Variants in SGCZ observed in about 807,000 individuals in gnomAD.
SGCZ encodes sarcoglycan zeta, also known as zeta-sarcoglycan.
A neutral mutation model predicts 41.3 loss-of-function variants in SGCZ; 40 were observed. The ratio of observed to expected loss-of-function variants is 0.97; its 90% CI spans 0.75 to 1.26. The LOEUF (loss-of-function observed/expected upper bound fraction) is 1.26. Ranked by LOEUF, SGCZ falls within the 50% of genes most tolerant of loss-of-function variation. SGCZ has a pLI of 0.00. For synonymous variants in SGCZ, 206 were observed against 137.5 expected (o/e 1.50, Z -3.49); for missense variants, 552 against 369.8 (o/e 1.49, Z -4.04).
intron 1 of SGCZ, among the ~76,000 whole-genome samples, chr8:14,852,958 C>T (rs557201886): frequency 1.3e-5 from 2 of 152,138 alleles, no homozygotes; most frequent in African/African-American, 2.4e-5. Flanking sequence ...ATGGAAAACA[C>T]TGTTGAGATG....
intron 1 of SGCZ, among the ~76,000 whole-genome samples, chr8:14,591,237 G>T (rs1025803641): frequency 6.6e-6 from 1 of 151,720 alleles, no homozygotes; most frequent in African/African-American, 2.4e-5. Context: ...TCTTTTTAAA[G>T]ATTTGGATAT....
chr8:14,206,382 G>A (rs1006763200), intron 4 of SGCZ, among the ~76,000 whole-genome samples: 2 of 152,082 alleles, frequency 1.3e-5, no homozygotes, highest in African/African-American at 4.8e-5. Flanking sequence ...TAAAATAAAT[G>A]TAAACATAAA....
chr8:14,674,920 TC>T (rs1405674694), intron 1 of SGCZ, among the ~76,000 whole-genome samples: 1 of 138,178 alleles, frequency 7.2e-6, no homozygotes, highest in African/African-American at 2.9e-5. Context: ...TAACCTCTTT[TC>T]TTTTCTGTTT....
At chr8:14,507,643 T>G (rs552377608) in intron 2 of SGCZ, among the ~76,000 whole-genome samples, 1 of 152,216 alleles carries the variant, frequency 6.6e-6, no homozygotes, top group Non-Finnish European at 1.5e-5. Flanking sequence ...TGCTCCAGTC[T>G]CAGATTCTTT....
intron 1 of SGCZ, among the ~76,000 whole-genome samples, chr8:14,600,520 T>C (rs559479049): frequency 6.6e-6 from 1 of 151,958 alleles, no homozygotes; most frequent in East Asian, 1.9e-4. Flanking sequence ...TGCGGGAGAG[T>C]CAAACCTCCC....
chr8:15,057,804 C>T (rs539396983), intron 1 of SGCZ, among the ~76,000 whole-genome samples: 5 of 152,290 alleles, frequency 3.3e-5, no homozygotes, highest in Non-Finnish European at 5.9e-5. Context: ...TACAAATGTC[C>T]TTTCCAGCCC....
At chr8:14,473,999 G>C (rs572089819) in intron 2 of SGCZ, among the ~76,000 whole-genome samples, 1 of 151,810 alleles carries the variant, frequency 6.6e-6, no homozygotes, top group East Asian at 1.9e-4. Context: ...ATGGGTACTA[G>C]TTTTAATTGC....
At chr8:14,227,865 A>G (rs1270622780) in intron 4 of SGCZ, among the ~76,000 whole-genome samples, 1 of 152,110 alleles carries the variant, frequency 6.6e-6, no homozygotes, top group Non-Finnish European at 1.5e-5. Context: ...CACAAAATCT[A>G]AAGTGAAAGT....
rs532174521 is a variant in SGCZ, at chr8:15,060,476, A to G, written c.39+177109T>C. On this transcript the variant is annotated intron_variant, in intron 1 of 7. Coordinates refer to ENST00000382080, the MANE Select transcript of SGCZ (RefSeq NM_139167.4). ...TAGGTGGGAATTGAACAATGAGAAC[A>G]CTTGGACATAGGAAGGGGAACATGA... 3.0e-3 allele frequency among the ~76,000 whole-genome samples: 385 copies of G among 129,238 alleles called. 2 individuals carry two copies. Among genetic ancestry groups the G allele is most frequent in the Middle Eastern group, 8.5e-3 (2 of 234 alleles). The allele number at this position is 129,238 out of a possible 152,430, so 84.8% of individuals were successfully genotyped here. A position where few individuals can be genotyped will look rare whatever the true frequency, so the allele number is the denominator to read the frequency against.
chr8:14,160,449 T>C (rs1485925148), intron 5 of SGCZ, among the ~76,000 whole-genome samples: 1 of 152,224 alleles, frequency 6.6e-6, no homozygotes. Context: ...AATTAAGTCA[T>C]ACCTTTGGCC....
At chr8:14,159,635 T>A (rs1375183055) in intron 5 of SGCZ, among the ~76,000 whole-genome samples, 1 of 152,116 alleles carries the variant, frequency 6.6e-6, no homozygotes, top group South Asian at 2.1e-4. Flanking sequence ...GCAGAGAAAA[T>A]GAAGTGATTG....
At chr8:14,205,097 A>C (rs984816837) in intron 4 of SGCZ, among the ~76,000 whole-genome samples, 9 of 152,152 alleles carry the variant, frequency 5.9e-5, no homozygotes, top group Admixed American at 5.2e-4. Context: ...CCCTTTAATT[A>C]AGATAAATCC....
intron 1 of SGCZ, among the ~76,000 whole-genome samples, chr8:15,008,639 AGGGAAGG>A: frequency 1.2e-5 from 1 of 86,760 alleles, no homozygotes; most frequent in Non-Finnish European, 2.2e-5. Context: ...GGAAGGAAGG[AGGGAAGG>A]AAGGAGGGAA....
At chr8:14,369,910 A>G (rs115794697) in intron 2 of SGCZ, among the ~76,000 whole-genome samples, 2 of 152,158 alleles carry the variant, frequency 1.3e-5, no homozygotes, top group African/African-American at 4.8e-5. Flanking sequence ...TAAGTAATTA[A>G]TTTCTATTTC....
chr8:14,262,963 C>A (rs901339410), intron 3 of SGCZ, among the ~76,000 whole-genome samples: 1 of 152,076 alleles, frequency 6.6e-6, no homozygotes, highest in African/African-American at 2.4e-5. Flanking sequence ...CCTTGATTTA[C>A]GCGAACACTT....
rs1452862836 is a variant in SGCZ at position 14,245,347 on chromosome 8, G to T, written c.337-7668C>A. 4.6e-5 allele frequency among the ~76,000 whole-genome samples: 7 copies of T among 152,122 alleles called. No individual in the cohort carries two copies. The East Asian group carries it at 1.2e-3, about 25-fold the overall frequency. ...CTGACAAAAACAAGCAATGGGGAAAGGATTCCCTATTTAATAAATGGTGCT... is the reference window on the plus strand; with the variant it reads ...CTGACAAAAACAAGCAATGGGGAAATGATTCCCTATTTAATAAATGGTGCT... On this transcript the variant is annotated intron_variant, in intron 3 of 7. Transcript: ENST00000382080.
intron 2 of SGCZ, among the ~76,000 whole-genome samples, chr8:14,427,098 G>A (rs1799809343): frequency 6.6e-6 from 1 of 152,000 alleles, no homozygotes; most frequent in Non-Finnish European, 1.5e-5. Context: ...GTGAATGAAT[G>A]AATGAGTGAA....
chr8:15,210,514 C>T (rs1028528589), intron 1 of SGCZ, among the ~76,000 whole-genome samples: 2 of 152,068 alleles, frequency 1.3e-5, no homozygotes, highest in African/African-American at 4.8e-5. Flanking sequence ...GCCTCTGTGC[C>T]TTACTTGCAA....
chr8:14,940,294 A>C (rs1800227315), intron 1 of SGCZ, among the ~76,000 whole-genome samples: 1 of 152,186 alleles, frequency 6.6e-6, no homozygotes, highest in African/African-American at 2.4e-5. Flanking sequence ...TAGCATCATC[A>C]TCAAATGTTT....
Sources: gnomAD v4.1 joint callset for allele counts (sites outside exome capture counted in the v4.1 genomes callset) on GRCh38, gnomAD v4.1.1 for gene constraint, MANE v1.5 for transcripts, NCBI Gene and HGNC (gene_info 2026-07-23, HGNC 2026-07-21) for gene names.